Variants in MEGF6 observed in about 807,000 individuals in gnomAD.
The protein encoded by MEGF6 is multiple epidermal growth factor-like domains protein 6.
A neutral mutation model predicts 207.1 loss-of-function variants in MEGF6; 184 were observed. The observed-to-expected ratio is 0.89, with a 90% CI of 0.79 to 1.00. The LOEUF is 1.00. Among genes scored for constraint, MEGF6 ranks in the 50% least tolerant of loss-of-function variants. MEGF6 has a pLI of 0.00. For synonymous variants in MEGF6, 1,038 were observed against 910.0 expected, an observed-to-expected ratio of 1.14 and a Z score of -2.53; for missense variants, 2,282 against 2,202.9, an observed-to-expected ratio of 1.04 and a Z score of -0.72.
intron 34 of MEGF6, 137 bp downstream of exon 34, chr1:3,493,634 G>C: frequency 1.6e-6 from 2 of 1,232,892 alleles, no homozygotes; most frequent in East Asian, 2.6e-5. Flanking sequence ...CCCCCAGGGG[G>C]CACAGTCCAG....
At chr1:3,495,464 C>T (rs912756371) in intron 30 of MEGF6, among the ~76,000 whole-genome samples, 2 of 152,186 alleles carry the variant, frequency 1.3e-5, no homozygotes, top group African/African-American at 4.8e-5. Flanking sequence ...TGACTGTGCT[C>T]TAGGCCCACT....
chr1:3,554,092 G>A (rs1237923812), intron 4 of MEGF6, among the ~76,000 whole-genome samples: 1 of 152,136 alleles, frequency 6.6e-6, no homozygotes, highest in Non-Finnish European at 1.5e-5. Context: ...CAAGCTTGGC[G>A]CCTGCTTCCA....
chr1:3,573,456 G>A lies in MEGF6; in HGVS notation c.481+6369C>T, dbSNP rs1358601364. On this transcript the variant is annotated intron_variant, in intron 4 of 36. Coordinates refer to ENST00000356575, the MANE Select transcript of MEGF6 (RefSeq NM_001409.4). The surrounding 1 kb of genome is among the most constrained non-coding windows in gnomAD (Gnocchi z 5.1). ...CGGGGAGCCTGGAACTACAGCCCAGGACCAGGGTCAGGTTAACCCGAGGCC... is the reference window on the plus strand; with the variant it reads ...CGGGGAGCCTGGAACTACAGCCCAGAACCAGGGTCAGGTTAACCCGAGGCC... 2.6e-5 allele frequency among the ~76,000 whole-genome samples: 4 copies of A among 152,216 alleles called. No individual in the cohort carries two copies. Among genetic ancestry groups the A allele is most frequent in the Non-Finnish European group, 5.9e-5 (4 of 68,026 alleles).
chr1:3,503,746 G>A (rs1457758326), intron 17 of MEGF6, among the ~76,000 whole-genome samples: 1 of 145,202 alleles, frequency 6.9e-6, no homozygotes, highest in Non-Finnish European at 1.5e-5. Context: ...GTGTGTACAC[G>A]TTTGGGGGTG....
chr1:3,493,578 G>A, intron 34 of MEGF6, 193 bp downstream of exon 34: 2 of 736,966 alleles, frequency 2.7e-6, no homozygotes, highest in East Asian at 5.7e-5. Context: ...GGCTCCAGCA[G>A]GAGGGCCATG....
In MEGF6 at chr1:3,515,483, A is replaced by G. The variant is rs377720555; in HGVS notation, c.649T>C (p.Cys217Arg). ...TGCCGAGTGATTGTGAGCTGGACACAGTGGTGCTGGCAGCCGCCATTGCCC... is the reference window on the plus strand; with the variant it reads ...TGCCGAGTGATTGTGAGCTGGACACGGTGGTGCTGGCAGCCGCCATTGCCC... ...ALGNGGCQHH[C>R]VQLTITRHRC... The change falls in exon 6 of 37, where the codon TGT (cysteine) becomes CGT (arginine). Residue 217 changes from cysteine to arginine, a missense_variant. Transcript: ENST00000356575. 6 of 1,612,742 alleles carry G rather than the reference A, an allele frequency of 3.7e-6. No individual in the cohort carries two copies. Among genetic ancestry groups the G allele is most frequent in the Non-Finnish European group, 5.1e-6 (6 of 1,179,926 alleles).
intron 30 of MEGF6, 113 bp downstream of exon 30, chr1:3,495,777 A>G: frequency 1.5e-6 from 2 of 1,348,642 alleles, no homozygotes; most frequent in Admixed American, 2.3e-5. Flanking sequence ...AGCTGGTGGC[A>G]GCCAGGATGT....
At chr1:3,536,439 C>G (rs995005907) in intron 4 of MEGF6, among the ~76,000 whole-genome samples, 2 of 152,066 alleles carry the variant, frequency 1.3e-5, no homozygotes, top group Non-Finnish European at 2.9e-5. Flanking sequence ...CTCTGGGGTG[C>G]GGAGGGCTCT....
chr1:3,495,884 ACT>A lies in MEGF6; in HGVS notation c.3871+4_3871+5del. The A allele has an allele frequency of 6.3e-7, 1 of 1,597,926 alleles. No homozygotes were observed. Among genetic ancestry groups the A allele is most frequent in the Non-Finnish European group, 8.5e-7 (1 of 1,179,160 alleles). Reference sequence around the variant, plus strand: ...TGTGAGCATGCCCTCTGGAGTGAACACTCACCTCGCTCACAGCGGACGCCGGC... The same window carrying A: ...TGTGAGCATGCCCTCTGGAGTGAACACACCTCGCTCACAGCGGACGCCGGC... On this transcript the variant is annotated splice_donor_5th_base_variant and intron_variant, in intron 30 of 36. Transcript: ENST00000356575.
rs2101618063 is a variant in MEGF6 at position 3,556,481 on chromosome 1, G to A, written c.481+23344C>T. Reference sequence around the variant, plus strand: ...TAGGAGAAACCTCGGCAAAGCAAGAGACGCCCTGGGCCTCCTCTCGGCCGC... The same window carrying A: ...TAGGAGAAACCTCGGCAAAGCAAGAAACGCCCTGGGCCTCCTCTCGGCCGC... On this transcript the variant is annotated intron_variant, in intron 4 of 36. Coordinates refer to ENST00000356575, the MANE Select transcript of MEGF6 (RefSeq NM_001409.4). This position sits in a 1 kb window ranked among gnomAD's most constrained non-coding sequence, Gnocchi z 4.4. Among the ~76,000 whole-genome samples the A allele has an allele frequency of 6.6e-6, 1 of 152,258 alleles. No individual in the cohort carries two copies. Among genetic ancestry groups the A allele is most frequent in the South Asian group, 2.1e-4 (1 of 4,828 alleles).
rs1181178133 is a variant in MEGF6 at position 3,560,665 on chromosome 1, T to A, written c.481+19160A>T. 2.2e-6 allele frequency: 1 copy of A among 449,214 alleles called. No homozygotes were observed. Among genetic ancestry groups the A allele is most frequent in the Non-Finnish European group, 4.7e-6 (1 of 212,664 alleles). 27.8% of individuals were successfully genotyped at this position (449,214 alleles called of 1,614,324 possible). On this transcript the variant is annotated intron_variant, in intron 4 of 36. Coordinates refer to ENST00000356575, the MANE Select transcript of MEGF6 (RefSeq NM_001409.4). This position sits in a 1 kb window ranked among gnomAD's most constrained non-coding sequence, Gnocchi z 4.0. Reference sequence around the variant, plus strand: ...GTCCCTTCCCAGGCTTGGGGGAGGCTGGGTGCCATCAACCCCTCCCCATCT... The same window carrying A: ...GTCCCTTCCCAGGCTTGGGGGAGGCAGGGTGCCATCAACCCCTCCCCATCT...
At chr1:3,564,357 G>A (rs1019594368) in intron 4 of MEGF6, among the ~76,000 whole-genome samples, 1 of 152,024 alleles carries the variant, frequency 6.6e-6, no homozygotes, top group African/African-American at 2.4e-5. Flanking sequence ...CTACTGGAGG[G>A]GTCAGTAAAG....
chr1:3,492,827 A>C, intron 34 of MEGF6, 60 bp from the exon 35 acceptor site: 1 of 1,576,456 alleles, frequency 6.3e-7, no homozygotes, highest in Non-Finnish European at 8.7e-7. Flanking sequence ...CCCCGCGCCA[A>C]GGAGCCTGGG....
At chr1:3,504,258 A>G (rs935280509) in intron 17 of MEGF6, among the ~76,000 whole-genome samples, 15 of 152,152 alleles carry the variant, frequency 9.9e-5, no homozygotes, top group Non-Finnish European at 2.9e-5. Context: ...GGGCGTGGAC[A>G]GCGTGCGCCA....
chr1:3,501,120 T>G (rs779359694), intron 19 of MEGF6, 26 bp from the exon 20 acceptor site: 1 of 1,612,242 alleles, frequency 6.2e-7, no homozygotes, highest in East Asian at 2.2e-5. Flanking sequence ...AGAGGGTGAG[T>G]GGGGCCTGGC....
At chr1:3,588,467 C>A (rs1379988955) in intron 3 of MEGF6, among the ~76,000 whole-genome samples, 1 of 74,370 alleles carries the variant, frequency 1.3e-5, no homozygotes, top group Non-Finnish European at 2.5e-5. Flanking sequence ...CAGGAGGGGA[C>A]AGGAGGGGGC....
chr1:3,581,971 A>C (rs114165793), intron 3 of MEGF6, among the ~76,000 whole-genome samples: 2,376 of 151,860 alleles, frequency 0.016, 27 homozygotes, highest in Non-Finnish European at 0.026. Flanking sequence ...AATCTGAAAC[A>C]AAGGGGAAAA....
At chr1:3,530,805 A>G (rs1642128934) in intron 4 of MEGF6, among the ~76,000 whole-genome samples, 1 of 152,164 alleles carries the variant, frequency 6.6e-6, no homozygotes, top group South Asian at 2.1e-4. Context: ...GCTCCCACAG[A>G]CAAAGTCAGG....
intron 4 of MEGF6, among the ~76,000 whole-genome samples, chr1:3,554,142 T>C (rs1201077722): frequency 6.6e-6 from 1 of 151,960 alleles, no homozygotes; most frequent in African/African-American, 2.4e-5. Flanking sequence ...ATGCGCCCCA[T>C]CCCGCCCCCG....
Sources: allele counts gnomAD v4.1 joint callset (sites outside exome capture counted in the v4.1 genomes callset), GRCh38; gene constraint gnomAD v4.1.1; non-coding constraint Gnocchi (gnomAD v3.1); transcripts MANE v1.5; gene names NCBI Gene and HGNC (gene_info 2026-07-23, HGNC 2026-07-21).